RAB37: variants seen among roughly 807,000 people sequenced by gnomAD.
RAB37 encodes the protein ras-related protein Rab-37.
A neutral mutation model predicts 33.1 loss-of-function variants in RAB37; 29 were observed. That is an observed-to-expected ratio of 0.88 (90% CI 0.65 to 1.20). The LOEUF is 1.20. Among genes scored for constraint, RAB37 ranks in the 50% most tolerant of loss-of-function variants. The pLI is 0.00. For missense variants in RAB37, 299 were observed against 301.1 expected (o/e 0.99, Z 0.05); for synonymous variants, 128 against 119.5 (o/e 1.07, Z -0.47).
In RAB37 at chr17:74,715,316, C is replaced by T. The variant is rs555415248; in HGVS notation, c.73-13940C>T. Among the ~76,000 whole-genome samples, 8 of 152,288 alleles carry T rather than the reference C, an allele frequency of 5.3e-5. No homozygotes were observed. The East Asian group carries it at 1.4e-3, about 26-fold the overall frequency. On this transcript the variant is annotated intron_variant, in intron 1 of 7. Coordinates refer to the RAB37 transcript ENST00000340415. ...TGCAGAGGGTTATTTGCACAGAAAA[C>T]CACAGCAGCTGATAAGCCATGGCTT...
At chr17:74,727,875 T>C (rs2034325019) in intron 1 of RAB37, among the ~76,000 whole-genome samples, 1 of 151,984 alleles carries the variant, frequency 6.6e-6, no homozygotes, top group Admixed American at 6.6e-5. Flanking sequence ...TGTCTGTGTT[T>C]GTGTTTATGT....
In RAB37 at chr17:74,740,792, G is replaced by A. The variant is rs750256354; in HGVS notation, c.118G>A (p.Val40Ile). 5.0e-5 allele frequency: 81 copies of A among 1,613,954 alleles called. No individual in the cohort carries two copies. Among genetic ancestry groups the A allele is most frequent in the East Asian group, 1.1e-4 (5 of 44,890 alleles). Residue 40 changes from valine to isoleucine, a missense_variant, in exon 2 of 9, where the codon GTC (valine) becomes ATC (isoleucine). Physicochemically the swap from Val to Ile is conservative, Grantham distance 29. Coordinates refer to ENST00000392613, the MANE Select transcript of RAB37 (RefSeq NM_001006638.3). ...GKVMLLGDTG[V>I]GKTCFLIQFK... The stretch of plus-strand genomic sequence containing the variant: ...GGTGATGCTTCTGGGAGACACAGGC[G>A]TCGGCAAAACATGTTTCCTGATCCA...
chr17:74,746,774 C>T lies in RAB37; in HGVS notation c.*1363C>T, dbSNP rs1187528646. On this transcript the variant is annotated 3_prime_UTR_variant, in exon 9 of 9. Transcript: ENST00000392613. This position sits in a 1 kb window ranked among gnomAD's most constrained non-coding sequence, Gnocchi z 5.2. ...TCTGCCTCCTCCCTGACCACCCATGCCCTTTCCTTTAACTTCTCAAACAGA... is the reference window on the plus strand; with the variant it reads ...TCTGCCTCCTCCCTGACCACCCATGTCCTTTCCTTTAACTTCTCAAACAGA... 6.6e-6 allele frequency: 1 copy of T among 152,262 alleles called. No homozygotes were observed. Among genetic ancestry groups the T allele is most frequent in the Non-Finnish European group, 1.5e-5 (1 of 68,066 alleles). The allele number at this position is 152,262 out of a possible 1,614,324, so 9.4% of individuals were successfully genotyped here. A position where few individuals can be genotyped will look rare whatever the true frequency, so the allele number is the denominator to read the frequency against.
upstream of RAB37, chr17:74,737,069 C>T: frequency 1.9e-6 from 3 of 1,608,444 alleles, no homozygotes; most frequent in Non-Finnish European, 2.5e-6. Flanking sequence ...AGGCTGCCCG[C>T]CCCTTCACGC....
intron 1 of RAB37, among the ~76,000 whole-genome samples, chr17:74,682,631 G>C (rs778130603): frequency 6.6e-6 from 1 of 152,220 alleles, no homozygotes; most frequent in Non-Finnish European, 1.5e-5. Context: ...TGGGCCGGGC[G>C]TGGTGGATCA....
chr17:74,723,710 C>G (rs2034271199), intron 1 of RAB37, among the ~76,000 whole-genome samples: 1 of 151,534 alleles, frequency 6.6e-6, no homozygotes, highest in Non-Finnish European at 1.5e-5. Context: ...TCCTGAGTAG[C>G]TGGGACTACA....
chr17:74,704,853 C>T, intron 1 of RAB37: 1 of 1,531,402 alleles, frequency 6.5e-7, no homozygotes, highest in South Asian at 1.2e-5. Flanking sequence ...CACCTCCCAC[C>T]CCAAGGGCAG....
chr17:74,683,592 A>G (rs545300803), intron 1 of RAB37, among the ~76,000 whole-genome samples: 1 of 152,286 alleles, frequency 6.6e-6, no homozygotes, highest in African/African-American at 2.4e-5. Flanking sequence ...GCCATCTTTA[A>G]AGTCTTAATA....
At chr17:74,726,347 A>G (rs2034308004) in intron 1 of RAB37, among the ~76,000 whole-genome samples, 2 of 152,036 alleles carry the variant, frequency 1.3e-5, no homozygotes, top group African/African-American at 2.4e-5. Context: ...CCCGGACCTC[A>G]GTGAGCTGGA....
In RAB37 at chr17:74,711,067, C is replaced by G. The variant is rs2033925442; in HGVS notation, c.73-18189C>G. On this transcript the variant is annotated intron_variant, in intron 1 of 7. Transcript: ENST00000340415. ...AAAAATAAAAAACCTTCCTTTCTCACAGAAAACAAACTTCCGGATGGGTAT... is the reference window on the plus strand; with the variant it reads ...AAAAATAAAAAACCTTCCTTTCTCAGAGAAAACAAACTTCCGGATGGGTAT... 2.0e-5 allele frequency among the ~76,000 whole-genome samples: 3 copies of G among 152,104 alleles called. 1 individual carries two copies. The South Asian group carries it at 6.2e-4, about 32-fold the overall frequency.
chr17:74,675,423 G>A (rs901201691), intron 1 of RAB37, among the ~76,000 whole-genome samples: 1 of 150,046 alleles, frequency 6.7e-6, no homozygotes, highest in South Asian at 2.1e-4. Flanking sequence ...GACAGAGTGA[G>A]ACTCCATCCG....
Position 74,742,224 on chromosome 17 carries a change from C to A in RAB37, c.205-30C>A. 6.2e-7 allele frequency: 1 copy of A among 1,611,154 alleles called. No homozygotes were observed. Among genetic ancestry groups the A allele is most frequent in the South Asian group, 1.1e-5 (1 of 90,488 alleles). On this transcript the variant is annotated intron_variant, in intron 2 of 8. Transcript: ENST00000392613. The surrounding 1 kb of genome is among the most constrained non-coding windows in gnomAD (Gnocchi z 4.0). ...AGCTGAGGAGCCACATGACTCCTGC[C>A]CTCCCATCCTCTGCCTTTTTCTCTT... is the stretch of plus-strand genomic sequence containing the variant.
In RAB37 at chr17:74,740,932, G is replaced by A. The variant is rs534180036; in HGVS notation, c.204+54G>A. ...GCAGAGAGCCAGGGCTGTGGCTCAG[G>A]CATGGGGGGGTTGCCCCCACCTTGC... is the stretch of plus-strand genomic sequence containing the variant. On this transcript the variant is annotated intron_variant, in intron 2 of 8. Transcript: ENST00000392613. 7.8e-4 allele frequency: 1,060 copies of A among 1,352,288 alleles called. 2 individuals carry two copies. The highest frequency in any genetic ancestry group is 1.0e-3 in the Non-Finnish European group (974 of 943,170). The allele number at this position is 1,352,288 out of a possible 1,614,324, so 83.8% of individuals were successfully genotyped here.
chr17:74,687,131 C>T (rs1767142575), intron 1 of RAB37, among the ~76,000 whole-genome samples: 1 of 152,156 alleles, frequency 6.6e-6, no homozygotes, highest in Non-Finnish European at 1.5e-5. Flanking sequence ...CTGAGCCCCT[C>T]CTCAGAGGTA....
Position 74,676,419 on chromosome 17 carries a change from C to A in RAB37, c.72+4761C>A, listed in dbSNP as rs148142410. On this transcript the variant is annotated intron_variant, in intron 1 of 7. Transcript: ENST00000340415. The surrounding 1 kb of genome is among the most constrained non-coding windows in gnomAD (Gnocchi z 4.1). ...CTTGGGTGAAAAGGGATTACCAGGT[C>A]TCTGTCTTCCAAAGTATGTCCATTT... 6.6e-6 allele frequency among the ~76,000 whole-genome samples: 1 copy of A among 152,274 alleles called. No homozygotes were observed. Among genetic ancestry groups the A allele is most frequent in the African/African-American group, 2.4e-5 (1 of 41,542 alleles).
intron 1 of RAB37, among the ~76,000 whole-genome samples, chr17:74,682,931 T>C (rs2031983738): frequency 6.6e-6 from 1 of 152,126 alleles, no homozygotes; most frequent in Admixed American, 6.6e-5. Context: ...AGACAATGGT[T>C]TCCAGGGAAA....
In RAB37 at chr17:74,676,109, T is replaced by G. The variant is rs1408453964; in HGVS notation, c.72+4451T>G. On this transcript the variant is annotated intron_variant, in intron 1 of 7. Coordinates refer to the RAB37 transcript ENST00000340415. This position sits in a 1 kb window ranked among gnomAD's most constrained non-coding sequence, Gnocchi z 4.1. ...CAGCCCACGGATTGGGTCCCTACTG[T>G]GCCAGGGTCTGACCTTGAGCTCCCA... is the stretch of plus-strand genomic sequence containing the variant. Among the ~76,000 whole-genome samples, 1 of 152,134 alleles carries G rather than the reference T, an allele frequency of 6.6e-6. No individual in the cohort carries two copies. The highest frequency in any genetic ancestry group is 1.9e-4 in the East Asian group (1 of 5,200).
chr17:74,697,234 A>G (rs1420075806), intron 1 of RAB37, among the ~76,000 whole-genome samples: 1 of 152,074 alleles, frequency 6.6e-6, no homozygotes, highest in African/African-American at 2.4e-5. Flanking sequence ...ATGAGCCACG[A>G]CACCCAGAGA....
intron 1 of RAB37, among the ~76,000 whole-genome samples, chr17:74,692,437 A>G (rs1466706583): frequency 6.6e-6 from 1 of 152,002 alleles, no homozygotes; most frequent in Non-Finnish European, 1.5e-5. Context: ...CTCTCCACCA[A>G]GGTCACCAAT....
Sources: allele counts gnomAD v4.1 joint callset (sites outside exome capture counted in the v4.1 genomes callset), GRCh38; gene constraint gnomAD v4.1.1; non-coding constraint Gnocchi (gnomAD v3.1); transcripts MANE v1.5; gene names NCBI Gene and HGNC (gene_info 2026-07-23, HGNC 2026-07-21).